The following MON2 variants were observed in gnomAD, a reference collection of about 807,000 sequenced individuals.
The protein encoded by MON2 is protein MON2 homolog.
MON2 carries 84 observed loss-of-function variants against 208.6 expected under a neutral mutation model. The observed-to-expected ratio is 0.40, with a 90% CI of 0.34 to 0.48. The LOEUF (loss-of-function observed/expected upper bound fraction) is 0.48, where lower values mean the gene tolerates loss of function less well. MON2 is among the 20% of genes least tolerant of loss of function. MON2 has a pLI of 0.59. For missense variants in MON2, 1,611 were observed against 2,015.4 expected (o/e 0.80, Z 3.84); for synonymous variants, 660 against 694.0 (o/e 0.95, Z 0.77).
intron 12 of MON2, among the ~76,000 whole-genome samples, chr12:62,534,545 ATAT>A (rs2072852114): frequency 3.6e-5 from 1 of 28,078 alleles, no homozygotes. Context: ...AAAAAAAAAT[ATAT>A]ATATATATAT....
At chr12:62,518,180 A>G (rs1158638751) in intron 8 of MON2, among the ~76,000 whole-genome samples, 1 of 152,218 alleles carries the variant, frequency 6.6e-6, no homozygotes, top group South Asian at 2.1e-4. Flanking sequence ...AATCCCATTC[A>G]TGAGGGTTTC....
chr12:62,496,983 A>T (rs1018293352), intron 4 of MON2, among the ~76,000 whole-genome samples: 1 of 145,526 alleles, frequency 6.9e-6, no homozygotes, highest in African/African-American at 2.6e-5. Context: ...AGCCATAAAA[A>T]ATGATGAGTT....
intron 19 of MON2, 91 bp from the exon 20 acceptor site, chr12:62,543,006 C>T (rs1355755234): frequency 1.5e-6 from 1 of 666,724 alleles, no homozygotes; most frequent in Admixed American, 3.2e-5. Context: ...TAATTTCAGT[C>T]ATGCTCTTCA....
chr12:62,542,988 C>T (rs1388450882), intron 19 of MON2, 109 bp from the exon 20 acceptor site: 12 of 585,824 alleles, frequency 2.0e-5, no homozygotes, highest in Non-Finnish European at 3.2e-5. Context: ...ATACTAACCA[C>T]TCAATTTTAA....
intron 29 of MON2, 72 bp downstream of exon 29, chr12:62,566,522 A>G (rs1203459757): frequency 5.3e-6 from 7 of 1,310,144 alleles, no homozygotes; most frequent in African/African-American, 3.0e-5. Context: ...TAGGTAATAC[A>G]TTATCATTAT....
chr12:62,567,798 T>C (rs1421983426), intron 29 of MON2, among the ~76,000 whole-genome samples: 1 of 152,232 alleles, frequency 6.6e-6, no homozygotes, highest in South Asian at 2.1e-4. Context: ...TACTACAGTA[T>C]GTTAAGTGCT....
At chr12:62,535,874 TG>T (rs1192849005) in intron 14 of MON2, among the ~76,000 whole-genome samples, 165 bp downstream of exon 14, 1 of 67,866 alleles carries the variant, frequency 1.5e-5, no homozygotes, top group Non-Finnish European at 2.6e-5. Flanking sequence ...GGGTGGGGGG[TG>T]GGGGGTGGGC....
chr12:62,526,116 G>C lies in MON2; in HGVS notation c.1400+14G>C. On this transcript the variant is annotated intron_variant, in intron 11 of 34. Coordinates refer to ENST00000393630, the MANE Select transcript of MON2 (RefSeq NM_015026.3). ...TAAAGCCACCTAGTAAGTAGTAGCA[G>C]CATTATTTTATAAGGAATGATGTTG... 6.2e-7 allele frequency: 1 copy of C among 1,608,106 alleles called. No homozygotes were observed. Among genetic ancestry groups the C allele is most frequent in the Non-Finnish European group, 8.5e-7 (1 of 1,175,104 alleles).
intron 29 of MON2, among the ~76,000 whole-genome samples, chr12:62,570,820 C>A (rs1165855120): frequency 7.1e-6 from 1 of 141,524 alleles, no homozygotes; most frequent in East Asian, 2.1e-4. Context: ...GCAACCTCTG[C>A]CTCCCGGGTT....
chr12:62,580,309 A>C lies in MON2; in HGVS notation c.4588A>C (p.Ile1530Leu). 6.2e-7 allele frequency: 1 copy of C among 1,610,670 alleles called. No individual in the cohort carries two copies. Among genetic ancestry groups the C allele is most frequent in the South Asian group, 1.1e-5 (1 of 90,448 alleles). The change falls in exon 32 of 35, where the codon ATC (isoleucine) becomes CTC (leucine). Residue 1530 changes from isoleucine to leucine, a missense_variant. Ile to Leu is a conservative substitution (Grantham distance 5). Transcript: ENST00000393630. ...ENIDVEVVQL[I>L]SNEILPYANF... Reference sequence around the variant, plus strand: ...TCTTTTGTTTTAGGTAGTTCAACTTATCAGCAATGAGATACTACCTTATGC... The same window carrying C: ...TCTTTTGTTTTAGGTAGTTCAACTTCTCAGCAATGAGATACTACCTTATGC...
At position 62,595,775 on chromosome 12, in the gene MON2, A is replaced by T. The variant is rs1390198434; in HGVS notation, c.*3026A>T. The T allele has an allele frequency of 6.6e-6, 1 of 152,242 alleles. No individual in the cohort carries two copies. The highest frequency in any genetic ancestry group is 2.4e-5 in the African/African-American group (1 of 41,468). 9.4% of individuals were successfully genotyped at this position (152,242 alleles called of 1,614,324 possible). A position where few individuals can be genotyped will look rare whatever the true frequency, so the allele number is the denominator to read the frequency against. ...AGGAGCCTTTTAGGTTCCAAAACAAACAAAAGGCATAAAAAAGTCTAGCTT... is the reference window on the plus strand; with the variant it reads ...AGGAGCCTTTTAGGTTCCAAAACAATCAAAAGGCATAAAAAAGTCTAGCTT... On this transcript the variant is annotated 3_prime_UTR_variant, in exon 35 of 35. Transcript: ENST00000393630.
intron 32 of MON2, among the ~76,000 whole-genome samples, chr12:62,584,900 AAG>A (rs1200172924): frequency 6.6e-6 from 1 of 151,762 alleles, no homozygotes; most frequent in Non-Finnish European, 1.5e-5. Context: ...AAGAGAGAAA[AAG>A]AGAATACTGC....
At chr12:62,584,705 C>CAAAAAAAAAAAAAAAAAAAA (rs1226172058) in intron 32 of MON2, among the ~76,000 whole-genome samples, 1 of 71,376 alleles carries the variant, frequency 1.4e-5, no homozygotes, top group Non-Finnish European at 2.4e-5. Flanking sequence ...TCTGTCTCAA[C>CAAAAAAAAAAAAAAAAAAAA]AAAAAAAAAA....
chr12:62,511,905 TG>T (rs1398924336), intron 8 of MON2, among the ~76,000 whole-genome samples: 1 of 152,186 alleles, frequency 6.6e-6, no homozygotes, highest in African/African-American at 2.4e-5. Flanking sequence ...CAGTTCCATG[TG>T]GCTGGGGAGG....
intron 22 of MON2, 140 bp downstream of exon 22, chr12:62,547,212 A>G (rs967012731): frequency 3.6e-5 from 19 of 530,050 alleles, no homozygotes; most frequent in African/African-American, 9.9e-5. Context: ...TTTTTCATGT[A>G]TGCGCTTCCT....
At chr12:62,570,775 CG>C (rs2074568669) in intron 29 of MON2, among the ~76,000 whole-genome samples, 1 of 131,350 alleles carries the variant, frequency 7.6e-6, no homozygotes, top group African/African-American at 2.9e-5. Context: ...ACTCTGTTGC[CG>C]GGCTGGAGTA....
chr12:62,576,700 TAATC>T (rs1019928214), intron 30 of MON2, among the ~76,000 whole-genome samples: 9 of 152,056 alleles, frequency 5.9e-5, no homozygotes, highest in South Asian at 2.1e-4. Context: ...TAAATTCTGT[TAATC>T]AGCATTTTTA....
At chr12:62,559,959 TCTTA>T (rs2074136182) in intron 25 of MON2, 1 of 151,938 alleles carries the variant, frequency 6.6e-6, no homozygotes, top group East Asian at 1.9e-4. Context: ...AACGAGAACT[TCTTA>T]CTTAATCATT....
In MON2 at chr12:62,526,053, T is replaced by G; in HGVS notation, c.1351T>G (p.Trp451Gly). 6.2e-7 allele frequency: 1 copy of G among 1,613,946 alleles called. No homozygotes were observed. The highest frequency in any genetic ancestry group is 8.5e-7 in the Non-Finnish European group (1 of 1,179,846). The change falls in exon 11 of 35, where the codon TGG (tryptophan) becomes GGG (glycine). Residue 451 changes from tryptophan (W) to glycine (G), a missense_variant. Physicochemically the swap from Trp to Gly is radical, Grantham distance 184. Transcript: ENST00000393630. ...LLPAFEYRGTWIPILTITVQG... is the reference protein window; with the variant it reads ...LLPAFEYRGTGIPILTITVQG... ...ACCAGCATTTGAATATAGGGGAACCTGGATACCTATTCTGACAATCACAGT... is the reference window on the plus strand; with the variant it reads ...ACCAGCATTTGAATATAGGGGAACCGGGATACCTATTCTGACAATCACAGT...
Sources: allele counts gnomAD v4.1 joint callset (sites outside exome capture counted in the v4.1 genomes callset), GRCh38; gene constraint gnomAD v4.1.1; transcripts MANE v1.5; gene names NCBI Gene and HGNC (gene_info 2026-07-23, HGNC 2026-07-21).